Variants in PPFIA2 observed in about 807,000 individuals in gnomAD.
PPFIA2 encodes the protein liprin-alpha-2.
A neutral mutation model predicts 175.5 loss-of-function variants in PPFIA2; 46 were observed. The ratio of observed to expected loss-of-function variants is 0.26; its 90% CI spans 0.21 to 0.34. The LOEUF is 0.34. Ranked by LOEUF, PPFIA2 falls within the 10% of genes least tolerant of loss-of-function variation. The probability of loss-of-function intolerance (pLI) is 1.00; values close to 1 mark genes in which losing one functional copy is unlikely to be tolerated. For synonymous variants in PPFIA2, 568 were observed against 511.4 expected, an observed-to-expected ratio of 1.11 and a Z score of -1.49; for missense variants, 1,179 against 1,506.1, an observed-to-expected ratio of 0.78 and a Z score of 3.60.
intron 4 of PPFIA2, among the ~76,000 whole-genome samples, chr12:81,593,747 G>C (rs1333248243): frequency 6.6e-6 from 1 of 152,144 alleles, no homozygotes; most frequent in African/African-American, 2.4e-5. Flanking sequence ...TGAGTGAAGA[G>C]GCAAAGACAA....
chr12:81,261,212 C>T (rs574202343), intron 32 of PPFIA2: 23 of 152,092 alleles, frequency 1.5e-4, no homozygotes, highest in African/African-American at 5.5e-4. Flanking sequence ...TTCACAGTTT[C>T]TACTATTTAT....
intron 11 of PPFIA2, among the ~76,000 whole-genome samples, chr12:81,372,931 T>C (rs1269967806): frequency 1.3e-5 from 2 of 151,374 alleles, no homozygotes; most frequent in African/African-American, 2.4e-5. Flanking sequence ...CAAGGTAATA[T>C]TGTGCCCAAG....
At chr12:81,605,901 A>T (rs1019246727) in intron 4 of PPFIA2, among the ~76,000 whole-genome samples, 2 of 151,858 alleles carry the variant, frequency 1.3e-5, no homozygotes, top group East Asian at 3.9e-4. Flanking sequence ...GATTTGTTAC[A>T]TAAGTGTATT....
intron 14 of PPFIA2, among the ~76,000 whole-genome samples, chr12:81,364,281 C>T (rs1441556749): frequency 6.6e-6 from 1 of 151,822 alleles, no homozygotes; most frequent in African/African-American, 2.4e-5. Flanking sequence ...TTGCAGAACT[C>T]AGGAATGGTA....
intron 4 of PPFIA2, among the ~76,000 whole-genome samples, chr12:81,655,599 T>G (rs1290314021): frequency 6.6e-6 from 1 of 151,914 alleles, no homozygotes; most frequent in Non-Finnish European, 1.5e-5. Flanking sequence ...TTAGCACTTT[T>G]TAGTTATTAT....
intron 28 of PPFIA2, among the ~76,000 whole-genome samples, chr12:81,274,692 T>TA (rs2040048989): frequency 6.6e-6 from 1 of 152,208 alleles, no homozygotes; most frequent in African/African-American, 2.4e-5. Flanking sequence ...GATATTCACA[T>TA]GGTCTCTTCA....
At chr12:81,571,348 A>C (rs2072508423) in intron 4 of PPFIA2, among the ~76,000 whole-genome samples, 1 of 152,134 alleles carries the variant, frequency 6.6e-6, no homozygotes, top group African/African-American at 2.4e-5. Context: ...AAACAAAAAC[A>C]GGCAGAATAT....
intron 4 of PPFIA2, among the ~76,000 whole-genome samples, chr12:81,521,925 C>T (rs1172066007): frequency 6.6e-6 from 1 of 151,864 alleles, no homozygotes; most frequent in Non-Finnish European, 1.5e-5. Context: ...ATAAAGTTTA[C>T]ATTGTAGATT....
At chr12:81,473,522 C>T (rs1316949800) in intron 4 of PPFIA2, among the ~76,000 whole-genome samples, 10 of 152,164 alleles carry the variant, frequency 6.6e-5, no homozygotes, top group Admixed American at 6.5e-4. Flanking sequence ...AGATAAACCA[C>T]ATGTGTGATA....
chr12:81,422,122 A>G (rs1178571013), intron 7 of PPFIA2, among the ~76,000 whole-genome samples: 1 of 137,142 alleles, frequency 7.3e-6, no homozygotes, highest in African/African-American at 3.1e-5. Flanking sequence ...GTGTATATAT[A>G]TGTGTGTATA....
At chr12:81,663,995 G>A (rs1181191942) in intron 4 of PPFIA2, among the ~76,000 whole-genome samples, 1 of 152,112 alleles carries the variant, frequency 6.6e-6, no homozygotes, top group Non-Finnish European at 1.5e-5. Context: ...TACTTAGAAA[G>A]CTGAAACTGG....
chr12:81,396,422 G>C (rs1434348560), intron 8 of PPFIA2, among the ~76,000 whole-genome samples: 1 of 152,028 alleles, frequency 6.6e-6, no homozygotes, highest in Non-Finnish European at 1.5e-5. Flanking sequence ...GGATGGAAGT[G>C]GGGAAGTTAG....
At chr12:81,509,507 G>T (rs1469225025) in intron 4 of PPFIA2, among the ~76,000 whole-genome samples, 5 of 151,998 alleles carry the variant, frequency 3.3e-5, no homozygotes. Context: ...TAGGGGCCTT[G>T]GTGCCCTTGA....
At chr12:81,314,271 T>C (rs994675469) in intron 22 of PPFIA2, among the ~76,000 whole-genome samples, 1 of 151,922 alleles carries the variant, frequency 6.6e-6, no homozygotes, top group Non-Finnish European at 1.5e-5. Context: ...TTCTGATTAA[T>C]TTTTCTTATT....
At chr12:81,555,075 G>A (rs1303856222) in intron 4 of PPFIA2, among the ~76,000 whole-genome samples, 1 of 151,898 alleles carries the variant, frequency 6.6e-6, no homozygotes, top group Non-Finnish European at 1.5e-5. Flanking sequence ...ACGACACACA[G>A]TTTTGTGGTC....
At chr12:81,747,842 T>C (rs1176202989) in intron 3 of PPFIA2, among the ~76,000 whole-genome samples, 2 of 144,364 alleles carry the variant, frequency 1.4e-5, no homozygotes, top group East Asian at 4.2e-4. Context: ...AAAAGATATA[T>C]ATGTCCTCCA....
At chr12:81,676,937 G>T (rs2072635568) in intron 3 of PPFIA2, 93 bp from the exon 4 acceptor site, 3 of 826,030 alleles carry the variant, frequency 3.6e-6, no homozygotes, top group Middle Eastern at 2.4e-4. Context: ...TAGCTGCAAA[G>T]TTAGGGCATG....
At chr12:81,448,388 C>T (rs1287332945) in intron 5 of PPFIA2, among the ~76,000 whole-genome samples, 1 of 152,148 alleles carries the variant, frequency 6.6e-6, no homozygotes, top group African/African-American at 2.4e-5. Context: ...CTATAATCTC[C>T]CCCTGGATTA....
intron 30 of PPFIA2, among the ~76,000 whole-genome samples, chr12:81,264,749 G>A (rs2036682725): frequency 6.6e-6 from 1 of 152,116 alleles, no homozygotes; most frequent in Admixed American, 6.5e-5. Flanking sequence ...TTGTTTCAGT[G>A]TGGTAGCCAT....
Sources: gnomAD v4.1 joint callset for allele counts (sites outside exome capture counted in the v4.1 genomes callset) on GRCh38, gnomAD v4.1.1 for gene constraint, MANE v1.5 for transcripts, NCBI Gene and HGNC (gene_info 2026-07-23, HGNC 2026-07-21) for gene names.